Variants in LMF1 observed in about 807,000 individuals in gnomAD.
LMF1 encodes the protein transmembrane protein 112.
Under a neutral mutation model 60.6 loss-of-function variants are expected in LMF1, and 68 were observed. That is an observed-to-expected ratio of 1.12 (90% confidence interval 0.92 to 1.37). The LOEUF is 1.37. Among genes scored for constraint, LMF1 ranks in the 40% most tolerant of loss-of-function variants. The pLI, the probability that LMF1 is intolerant of heterozygous loss-of-function variation, is 0.00. For synonymous variants in LMF1, 418 were observed against 324.7 expected (o/e 1.29, Z -3.09); for missense variants, 948 against 767.2 (o/e 1.24, Z -2.78).
chr16:898,554 G>A (rs1460751992), intron 4 of LMF1, among the ~76,000 whole-genome samples: 1 of 152,250 alleles, frequency 6.6e-6, no homozygotes, highest in African/African-American at 2.4e-5. Flanking sequence ...GAGCCAAGGG[G>A]TGGCAGCCAG....
intron 2 of LMF1, among the ~76,000 whole-genome samples, chr16:946,921 T>C (rs972942019): frequency 6.6e-6 from 1 of 152,182 alleles, no homozygotes; most frequent in Non-Finnish European, 1.5e-5. Context: ...CAGGCTCCCA[T>C]ATGAGAGACG....
intron 10 of LMF1, among the ~76,000 whole-genome samples, chr16:868,495 G>A (rs1036817961): frequency 6.6e-6 from 1 of 152,174 alleles, no homozygotes; most frequent in African/African-American, 2.4e-5. Flanking sequence ...GTCACTGGCC[G>A]GAGTGGGCGA....
chr16:937,693 T>C (rs751057126), intron 2 of LMF1, among the ~76,000 whole-genome samples: 10 of 152,242 alleles, frequency 6.6e-5, no homozygotes. Flanking sequence ...TAAAAACACA[T>C]TTGGCTCCAG....
rs896686642 is a variant in LMF1, at chr16:923,378, C to T, written c.514+10866G>A. Among the ~76,000 whole-genome samples, 5 of 152,162 alleles carry T rather than the reference C, an allele frequency of 3.3e-5. No homozygotes were observed. The South Asian group carries it at 1.0e-3, about 31-fold the overall frequency. On this transcript the variant is annotated intron_variant, in intron 3 of 10. Transcript: ENST00000262301. ...GCCATGTATTTCCTAACTCTGCCGG[C>T]TGAGGGGCTGAGAAGCTGCAGCACC...
In LMF1 at chr16:854,448, C is replaced by T. The variant is rs2069132021; in HGVS notation, c.*84G>A. On this transcript the variant is annotated 3_prime_UTR_variant, in exon 11 of 11. Coordinates refer to ENST00000262301, the MANE Select transcript of LMF1 (RefSeq NM_022773.4). ...CCTCTCCACGTCTCTCTTGGCGATG[C>T]CCAGCTTGGGCTGGGCGCAGGGAAG... 2 of 1,378,374 alleles carry T rather than the reference C, an allele frequency of 1.5e-6. No individual in the cohort carries two copies. The highest frequency in any genetic ancestry group is 1.4e-5 in the African/African-American group (1 of 69,952). 85.4% of individuals were successfully genotyped at this position (1,378,374 alleles called of 1,614,324 possible). A position where few individuals can be genotyped will look rare whatever the true frequency, so the allele number is the denominator to read the frequency against.
At chr16:944,791 C>G (rs112017612) in intron 2 of LMF1, among the ~76,000 whole-genome samples, 4,821 of 152,328 alleles carry the variant, frequency 0.032, 111 homozygotes, top group Non-Finnish European at 0.048. Flanking sequence ...AAGTCTCGCC[C>G]TGTCTACGGC....
chr16:870,139 G>T, intron 8 of LMF1, 73 bp from the exon 9 acceptor site: 1 of 1,501,974 alleles, frequency 6.7e-7, no homozygotes, highest in Admixed American at 1.9e-5. Flanking sequence ...TGGGTGGGGG[G>T]GGTTCCCCGA....
chr16:926,984 G>T (rs1378818363), intron 3 of LMF1, among the ~76,000 whole-genome samples: 1 of 152,210 alleles, frequency 6.6e-6, no homozygotes, highest in Non-Finnish European at 1.5e-5. Context: ...ACCACTCCTG[G>T]AGCCAAGAAA....
chr16:873,257 GCCATCTCCTCA>G (rs2069856840), intron 6 of LMF1: 2 of 152,462 alleles, frequency 1.3e-5, no homozygotes, highest in Admixed American at 6.5e-5. Flanking sequence ...GCATCACTGA[GCCATCTCCTCA>G]GAGGGAAATC....
chr16:894,414 CGTCG>C (rs2070602509), intron 4 of LMF1, among the ~76,000 whole-genome samples: 1 of 138,094 alleles, frequency 7.2e-6, no homozygotes, highest in African/African-American at 2.8e-5. Context: ...CTGGACCGTC[CGTCG>C]ACTCATCCCC....
chr16:880,865 C>T (rs771297825), intron 5 of LMF1, among the ~76,000 whole-genome samples: 4 of 152,230 alleles, frequency 2.6e-5, no homozygotes, highest in South Asian at 2.1e-4. Context: ...CCTAGATGGA[C>T]GATGCTGCAC....
intron 4 of LMF1, among the ~76,000 whole-genome samples, chr16:908,621 C>G (rs955289655): frequency 2.0e-5 from 3 of 152,228 alleles, no homozygotes; most frequent in African/African-American, 7.2e-5. Flanking sequence ...CTTCCAGTGC[C>G]CTCCCCAGAC....
chr16:968,034 C>T (rs113689626), intron 1 of LMF1, among the ~76,000 whole-genome samples: 9,294 of 152,322 alleles, frequency 0.061, 357 homozygotes, highest in Non-Finnish European at 0.087. Flanking sequence ...TCCCACAGCA[C>T]AGCAGGGCAT....
intron 3 of LMF1, among the ~76,000 whole-genome samples, chr16:919,536 C>T (rs968137670): frequency 6.6e-6 from 1 of 152,228 alleles, no homozygotes; most frequent in Non-Finnish European, 1.5e-5. Flanking sequence ...GCCCGGAGGC[C>T]GCTGGGGGCA....
chr16:916,084 C>T (rs536824955), intron 3 of LMF1, among the ~76,000 whole-genome samples: 5 of 152,278 alleles, frequency 3.3e-5, no homozygotes, highest in Non-Finnish European at 5.9e-5. Context: ...TGGGCTGAGC[C>T]GCCTCTGACC....
chr16:869,903 T>A lies in LMF1; in HGVS notation c.1396A>T (p.Met466Leu), dbSNP rs767509063. 1.1e-4 allele frequency: 176 copies of A among 1,612,442 alleles called. No homozygotes were observed. Among genetic ancestry groups the A allele is most frequent in the Non-Finnish European group, 1.5e-4 (172 of 1,179,794 alleles). The change falls in exon 9 of 11, where the codon ATG becomes TTG. Residue 466 changes from methionine to leucine, a missense_variant. Physicochemically the swap from Met to Leu is conservative, Grantham distance 15 (BLOSUM62 2). Transcript: ENST00000262301. Reference sequence around the variant, plus strand: ...CCCACCTGGAAGGCCGCGAACCACATCAGCCAGTCCAGGCGGTAGTGGTAC... The same window carrying A: ...CCCACCTGGAAGGCCGCGAACCACAACAGCCAGTCCAGGCGGTAGTGGTAC... ...SPYHYRLDWL[M>L]WFAAFQTYEH...
chr16:951,806 A>T (rs71380216), intron 2 of LMF1, among the ~76,000 whole-genome samples: 4,738 of 152,288 alleles, frequency 0.031, 122 homozygotes, highest in African/African-American at 0.048. Flanking sequence ...GCATGTGGTG[A>T]AGGGAGAAAA....
At chr16:980,641 C>T (rs2073324090) in intron 1 of LMF1, 1 of 152,054 alleles carries the variant, frequency 6.6e-6, no homozygotes, top group Non-Finnish European at 1.5e-5. Context: ...GCCTCCAGCG[C>T]GCTGGTTGAA....
Position 893,006 on chromosome 16 carries a change from C to T in LMF1, c.729+1G>A. ...GCCCTCACGCTGCACGGCACGCTCA[C>T]CTCATAGTGGAAGTCCATGCAGGTG... On this transcript the variant is annotated splice_donor_variant, in intron 5 of 10. Transcript: ENST00000262301. LOFTEE classifies it high-confidence loss of function. 1.3e-6 allele frequency: 2 copies of T among 1,549,588 alleles called. No individual in the cohort carries two copies. Among genetic ancestry groups the T allele is most frequent in the East Asian group, 2.4e-5 (1 of 40,878 alleles).
Sources: allele counts gnomAD v4.1 joint callset (sites outside exome capture counted in the v4.1 genomes callset), GRCh38; gene constraint gnomAD v4.1.1; transcripts MANE v1.5; gene names NCBI Gene and HGNC (gene_info 2026-07-23, HGNC 2026-07-21).